Variants in OPRK1 observed in about 807,000 individuals in gnomAD.
OPRK1 encodes the protein kappa-type opioid receptor.
A neutral mutation model predicts 24.5 loss-of-function variants in OPRK1; 15 were observed. That is an observed-to-expected ratio of 0.61 (90% CI 0.41 to 0.94). OPRK1 has a LOEUF of 0.94. OPRK1 is among the 40% of genes least tolerant of loss of function. The pLI is 0.00. For missense variants in OPRK1, 479 were observed against 507.3 expected, an observed-to-expected ratio of 0.94 and a Z score of 0.54; for synonymous variants, 205 against 198.0, an observed-to-expected ratio of 1.04 and a Z score of -0.30.
intron 2 of OPRK1, among the ~76,000 whole-genome samples, chr8:53,244,901 G>A (rs971247722): frequency 6.6e-6 from 1 of 152,124 alleles, no homozygotes; most frequent in African/African-American, 2.4e-5. Context: ...AGTGGTTCCA[G>A]GATGCCCCCG....
intron 3 of OPRK1, among the ~76,000 whole-genome samples, chr8:53,232,715 C>T (rs983978617): frequency 6.6e-6 from 1 of 152,120 alleles, no homozygotes. Context: ...TCTGCTGGCT[C>T]CTGTTCCAGC....
chr8:53,245,836 T>TGAA, intron 2 of OPRK1, among the ~76,000 whole-genome samples: 1 of 152,294 alleles, frequency 6.6e-6, no homozygotes, highest in East Asian at 1.9e-4. Context: ...GAGACCATCC[T>TGAA]ATGTAATCTG....
chr8:53,250,650 T>G, intron 2 of OPRK1, 131 bp downstream of exon 2: 1 of 982,880 alleles, frequency 1.0e-6, no homozygotes, highest in Non-Finnish European at 1.5e-6. Context: ...CCCTGTAGCA[T>G]TTCCAGGATC....
chr8:53,237,569 T>C (rs1807023611), intron 2 of OPRK1, among the ~76,000 whole-genome samples: 2 of 152,198 alleles, frequency 1.3e-5, no homozygotes, highest in Non-Finnish European at 1.5e-5. Context: ...TCACTTCATG[T>C]GGTAGGTACT....
At chr8:53,245,679 C>T (rs1164223581) in intron 2 of OPRK1, among the ~76,000 whole-genome samples, 9 of 152,110 alleles carry the variant, frequency 5.9e-5, no homozygotes, top group East Asian at 1.9e-4. Flanking sequence ...TATGGCCACA[C>T]AAATGGATGA....
Position 53,237,489 on chromosome 8 carries a change from A to G in OPRK1, c.258-2378T>C, listed in dbSNP as rs544440596. Among the ~76,000 whole-genome samples the G allele has an allele frequency of 2.6e-5, 4 of 152,208 alleles. No individual in the cohort carries two copies. In the South Asian group the frequency reaches 8.3e-4, roughly 32 times the overall value. On this transcript the variant is annotated intron_variant, in intron 2 of 3. Coordinates refer to ENST00000265572, the MANE Select transcript of OPRK1 (RefSeq NM_000912.5). ...TACAGGCAATAATCACACTGACCAC[A>G]TTTCCGAAGTGCCTGCGTCAGGACC...
At chr8:53,243,278 C>A (rs1484848506) in intron 2 of OPRK1, among the ~76,000 whole-genome samples, 2 of 152,132 alleles carry the variant, frequency 1.3e-5, no homozygotes. Context: ...AAGGGAGGTG[C>A]CAACTGCACA....
At position 53,227,399 on chromosome 8, in the gene OPRK1, A is replaced by C. The variant is rs7822111; in HGVS notation, c.*1898T>G. 6.6e-6 allele frequency: 1 copy of C among 152,198 alleles called. No homozygotes were observed. The highest frequency in any genetic ancestry group is 6.5e-5 in the Admixed American group (1 of 15,284). The allele number at this position is 152,198 out of a possible 1,614,324, so 9.4% of individuals were successfully genotyped here. A position where few individuals can be genotyped will look rare whatever the true frequency, so the allele number is the denominator to read the frequency against. On this transcript the variant is annotated 3_prime_UTR_variant, in exon 4 of 4. Transcript: ENST00000265572. The stretch of plus-strand genomic sequence containing the variant: ...AGTCTCTTGGGTTTTCCTGTTCCAT[A>C]AAGAAGTTTTTATATTTCCTATTTC...
chr8:53,246,544 G>C (rs1374477622), intron 2 of OPRK1, among the ~76,000 whole-genome samples: 1 of 152,170 alleles, frequency 6.6e-6, no homozygotes. Context: ...AGCAGGTGAA[G>C]AGGGAGAGAT....
intron 2 of OPRK1, among the ~76,000 whole-genome samples, chr8:53,235,990 T>C (rs1238070938): frequency 6.6e-6 from 1 of 152,204 alleles, no homozygotes; most frequent in East Asian, 1.9e-4. Context: ...GAGTATTAAA[T>C]AAATGTTCCA....
chr8:53,231,964 TAAC>T (rs1321855052), intron 3 of OPRK1, among the ~76,000 whole-genome samples: 3 of 152,114 alleles, frequency 2.0e-5, no homozygotes. Flanking sequence ...GTGAAATAAT[TAAC>T]AACAGCTACT....
intron 3 of OPRK1, among the ~76,000 whole-genome samples, chr8:53,230,773 G>A (rs567310430): frequency 3.9e-5 from 6 of 152,094 alleles, no homozygotes; most frequent in South Asian, 2.1e-4. Flanking sequence ...AGAAGTCAGC[G>A]AGCACACAGC....
intron 2 of OPRK1, among the ~76,000 whole-genome samples, chr8:53,240,123 C>A (rs1365098): frequency 0.43 from 64,659 of 151,920 alleles, 16,152 homozygotes; most frequent in African/African-American, 0.7. Flanking sequence ...TTAAATACTA[C>A]CCCTCAATGG....
rs533231931 is a variant in OPRK1, at chr8:53,236,016, T to A, written c.258-905A>T. On this transcript the variant is annotated intron_variant, in intron 2 of 3. Coordinates refer to ENST00000265572, the MANE Select transcript of OPRK1 (RefSeq NM_000912.5). ...AAATGTTCCAAACCATACCATCAGATTTTCAAAGGCCAAGAGCTGAAATAT... is the reference window on the plus strand; with the variant it reads ...AAATGTTCCAAACCATACCATCAGAATTTCAAAGGCCAAGAGCTGAAATAT... Among the ~76,000 whole-genome samples the A allele has an allele frequency of 4.6e-5, 7 of 152,324 alleles. No individual in the cohort carries two copies. The East Asian group carries it at 1.3e-3, about 29-fold the overall frequency.
rs200067073 is a variant in OPRK1 at position 53,226,404 on chromosome 8, C to T, written c.*2893G>A. ...TTTCTCTGTGCCTTCTCTGACCCCT[C>T]GTTAGGACCTGTCTTCCAGACCTTC... On this transcript the variant is annotated 3_prime_UTR_variant, in exon 4 of 4. Transcript: ENST00000265572. 2.0e-5 allele frequency: 3 copies of T among 152,202 alleles called. No homozygotes were observed. The highest frequency in any genetic ancestry group is 1.9e-4 in the East Asian group (1 of 5,174). The allele number at this position is 152,202 out of a possible 1,614,324, so 9.4% of individuals were successfully genotyped here.
intron 3 of OPRK1, among the ~76,000 whole-genome samples, chr8:53,233,048 A>T (rs1331271697): frequency 6.6e-6 from 1 of 152,234 alleles, no homozygotes; most frequent in Non-Finnish European, 1.5e-5. Context: ...TGAAATGCAA[A>T]TATGATAAAG....
intron 2 of OPRK1, among the ~76,000 whole-genome samples, chr8:53,237,779 A>T (rs979547173): frequency 6.6e-6 from 1 of 152,182 alleles, no homozygotes; most frequent in African/African-American, 2.4e-5. Context: ...GATTCTCGAA[A>T]CTACTGCCCT....
At chr8:53,250,706 C>T in intron 2 of OPRK1, 75 bp downstream of exon 2, 1 of 1,466,614 alleles carries the variant, frequency 6.8e-7, no homozygotes, top group Non-Finnish European at 9.2e-7. Context: ...GCCCCCACTG[C>T]TGCTCCAGTG....
At chr8:53,250,132 A>C (rs962823458) in intron 2 of OPRK1, among the ~76,000 whole-genome samples, 1 of 152,076 alleles carries the variant, frequency 6.6e-6, no homozygotes, top group Admixed American at 6.5e-5. Context: ...ATGGTGAAAA[A>C]AACAGCGAAG....
Sources: gnomAD v4.1 joint callset for allele counts (sites outside exome capture counted in the v4.1 genomes callset) on GRCh38, gnomAD v4.1.1 for gene constraint, MANE v1.5 for transcripts, NCBI Gene and HGNC (gene_info 2026-07-23, HGNC 2026-07-21) for gene names.